SCARB1: variants seen among roughly 807,000 people sequenced by gnomAD.
SCARB1 encodes CD36 and LIMPII analogous 1.
SCARB1 carries 30 observed loss-of-function variants against 57.2 expected under a neutral mutation model. That is an observed-to-expected ratio of 0.52 (90% confidence interval 0.39 to 0.71). The LOEUF (loss-of-function observed/expected upper bound fraction) is 0.71, where lower values mean the gene tolerates loss of function less well. Among genes scored for constraint, SCARB1 ranks in the 30% least tolerant of loss-of-function variants. The pLI is 0.00. For missense variants in SCARB1, 543 were observed against 671.2 expected (o/e 0.81, Z 2.11); for synonymous variants, 249 against 268.3 (o/e 0.93, Z 0.70).
chr12:124,854,745 G>T lies in SCARB1; in HGVS notation c.126+8850C>A, dbSNP rs1952563402. ...ATGTTGGCCCGGGCAACTGGAAGAT[G>T]GGGGGGCTATGATGGAGTGGGAAGC... On this transcript the variant is annotated intron_variant, in intron 1 of 12. Coordinates refer to ENST00000261693, the MANE Select transcript of SCARB1 (RefSeq NM_005505.5). 2.0e-5 allele frequency among the ~76,000 whole-genome samples: 3 copies of T among 152,252 alleles called. No individual in the cohort carries two copies. The South Asian group carries it at 6.2e-4, about 32-fold the overall frequency.
chr12:124,815,964 A>T (rs1950698017), intron 2 of SCARB1, among the ~76,000 whole-genome samples: 1 of 152,104 alleles, frequency 6.6e-6, no homozygotes, highest in Non-Finnish European at 1.5e-5. Flanking sequence ...TGAGGCCCTC[A>T]GCAAGGCTCA....
chr12:124,843,712 A>C (rs1056717824), intron 1 of SCARB1, among the ~76,000 whole-genome samples: 4 of 152,140 alleles, frequency 2.6e-5, no homozygotes, highest in African/African-American at 4.8e-5. Flanking sequence ...AGGGCCCTAC[A>C]TCCAAGCTGG....
intron 8 of SCARB1, among the ~76,000 whole-genome samples, chr12:124,799,719 G>A (rs2135594742): frequency 6.6e-6 from 1 of 152,146 alleles, no homozygotes; most frequent in Middle Eastern, 3.4e-3. Flanking sequence ...CACATGTCCA[G>A]CTCCCTGCTT....
In SCARB1 at chr12:124,800,066, G is replaced by T. The variant is rs544618057; in HGVS notation, c.1128+58C>A. 3.2e-4 allele frequency: 409 copies of T among 1,293,428 alleles called. 2 individuals are homozygous for T. The highest frequency in any genetic ancestry group is 4.1e-4 in the Non-Finnish European group (367 of 890,008). The allele number at this position is 1,293,428 out of a possible 1,614,324, so 80.1% of individuals were successfully genotyped here. On this transcript the variant is annotated intron_variant, in intron 8 of 12. Transcript: ENST00000261693. The surrounding 1 kb of genome is among the most constrained non-coding windows in gnomAD (Gnocchi z 4.8). ...TCTCTGCCTGGGGAGAGAGGAGGCA[G>T]CCAGGTGTGCTCCAACCAGGAATCA...
chr12:124,860,271 G>A (rs551261234), intron 1 of SCARB1, among the ~76,000 whole-genome samples: 3 of 152,350 alleles, frequency 2.0e-5, no homozygotes, highest in African/African-American at 7.2e-5. Context: ...GACATGAAAT[G>A]TGGACAAGAA....
chr12:124,813,832 C>T (rs183342256), intron 4 of SCARB1, among the ~76,000 whole-genome samples: 16 of 152,186 alleles, frequency 1.1e-4, no homozygotes, highest in South Asian at 8.3e-4. Context: ...ATGTTGGCTC[C>T]GAAGCCCAGT....
At chr12:124,804,212 A>G (rs1950246217) in intron 7 of SCARB1, among the ~76,000 whole-genome samples, 1 of 152,196 alleles carries the variant, frequency 6.6e-6, no homozygotes. Flanking sequence ...CAGGCAGACC[A>G]ATTAGAGCAA....
chr12:124,780,233 T>C (rs1482277208), intron 12 of SCARB1, among the ~76,000 whole-genome samples: 2 of 152,124 alleles, frequency 1.3e-5, no homozygotes, highest in East Asian at 1.9e-4. Context: ...ACCTGGACAG[T>C]TGTCCAGGCT....
intron 8 of SCARB1, among the ~76,000 whole-genome samples, chr12:124,798,619 G>A (rs1190776057): frequency 1.3e-5 from 2 of 152,040 alleles, no homozygotes; most frequent in Non-Finnish European, 2.9e-5. Flanking sequence ...GAGGCGGGTG[G>A]ATCACCTGAG....
rs1950644850 is a variant in SCARB1, at chr12:124,814,878, CCT to C, written c.426+93_426+94del. The C allele has an allele frequency of 6.5e-7, 1 of 1,536,456 alleles. No homozygotes were observed. Among genetic ancestry groups the C allele is most frequent in the East Asian group, 2.3e-5 (1 of 44,132 alleles). On this transcript the variant is annotated intron_variant, in intron 3 of 12. Coordinates refer to ENST00000261693, the MANE Select transcript of SCARB1 (RefSeq NM_005505.5). The surrounding 1 kb of genome is among the most constrained non-coding windows in gnomAD (Gnocchi z 4.7). ...GGCGTGAGTCCCCACGCTCCGACCACCTCAGGGACTGCTCTCTGCACAAGGGG... is the reference window on the plus strand; with the variant it reads ...GGCGTGAGTCCCCACGCTCCGACCACCAGGGACTGCTCTCTGCACAAGGGG...
intron 1 of SCARB1, among the ~76,000 whole-genome samples, chr12:124,837,883 C>T (rs1220729801): frequency 6.6e-6 from 1 of 152,196 alleles, no homozygotes; most frequent in African/African-American, 2.4e-5. Flanking sequence ...GCCTGGGTGA[C>T]ACAGTGAGAC....
chr12:124,788,439 C>T (rs1050759045), intron 9 of SCARB1, among the ~76,000 whole-genome samples: 1 of 152,154 alleles, frequency 6.6e-6, no homozygotes, highest in African/African-American at 2.4e-5. Flanking sequence ...GTGGGATGGC[C>T]GGGAGGGCTG....
chr12:124,793,111 T>C lies in SCARB1; in HGVS notation c.1202+2084A>G, dbSNP rs561489680. Among the ~76,000 whole-genome samples, 247 of 152,224 alleles carry C rather than the reference T, an allele frequency of 1.6e-3. 3 individuals are homozygous for C. The highest frequency in any genetic ancestry group is 5.8e-3 in the African/African-American group (240 of 41,498). On this transcript the variant is annotated intron_variant, in intron 9 of 12. Coordinates refer to ENST00000261693, the MANE Select transcript of SCARB1 (RefSeq NM_005505.5). ...ATAAAAATAAAATGCAAGGGCGGGA[T>C]GAAGGAAGAGAGCTCACAGTTATTA...
chr12:124,829,666 T>C (rs1264265752), intron 1 of SCARB1, among the ~76,000 whole-genome samples: 1 of 152,222 alleles, frequency 6.6e-6, no homozygotes, highest in Admixed American at 6.5e-5. Flanking sequence ...TTTCCCCTGA[T>C]GCCCACAAAA....
intron 1 of SCARB1, among the ~76,000 whole-genome samples, chr12:124,851,108 A>C (rs185689743): frequency 6.6e-6 from 1 of 152,328 alleles, no homozygotes; most frequent in East Asian, 1.9e-4. Context: ...CATTGACTCC[A>C]TAAGTTGTGC....
At chr12:124,834,771 G>T (rs1038189958) in intron 1 of SCARB1, among the ~76,000 whole-genome samples, 1 of 152,168 alleles carries the variant, frequency 6.6e-6, no homozygotes, top group Non-Finnish European at 1.5e-5. Context: ...AGCCAGGCAT[G>T]GTGGCATGTA....
rs531548297 is a variant in SCARB1 at position 124,791,108 on chromosome 12, T to C, written c.1203-3651A>G. Among the ~76,000 whole-genome samples, 8 of 152,226 alleles carry C rather than the reference T, an allele frequency of 5.3e-5. No homozygotes were observed. In the South Asian group the frequency reaches 1.0e-3, roughly 20 times the overall value. The stretch of plus-strand genomic sequence containing the variant: ...CTCTCTAGCGGGCTTCCCTGCCAGA[T>C]GACATGTCACGTGGGTTGTCACAAC... On this transcript the variant is annotated intron_variant, in intron 9 of 12. Coordinates refer to ENST00000261693, the MANE Select transcript of SCARB1 (RefSeq NM_005505.5).
chr12:124,827,572 G>C (rs1951212185), intron 1 of SCARB1, among the ~76,000 whole-genome samples: 1 of 152,146 alleles, frequency 6.6e-6, no homozygotes, highest in Non-Finnish European at 1.5e-5. Context: ...GAGAAGCTGG[G>C]AAGGACAACA....
rs1456162138 is a variant in SCARB1 at position 124,777,952 on chromosome 12, G to C, written c.*635C>G. The C allele has an allele frequency of 2.6e-5, 4 of 153,150 alleles. No homozygotes were observed. In the East Asian group the frequency reaches 7.7e-4, roughly 29 times the overall value. The allele number at this position is 153,150 out of a possible 1,614,324, so 9.5% of individuals were successfully genotyped here. On this transcript the variant is annotated 3_prime_UTR_variant, in exon 13 of 13. Coordinates refer to ENST00000261693, the MANE Select transcript of SCARB1 (RefSeq NM_005505.5). ...GCAGTGCCTGTGAAGACTTCGGGGGGATCAAAGTCCGGCCGGGGTGGGCGG... is the reference window on the plus strand; with the variant it reads ...GCAGTGCCTGTGAAGACTTCGGGGGCATCAAAGTCCGGCCGGGGTGGGCGG...
Sources: allele counts gnomAD v4.1 joint callset (sites outside exome capture counted in the v4.1 genomes callset), GRCh38; gene constraint gnomAD v4.1.1; non-coding constraint Gnocchi (gnomAD v3.1); transcripts MANE v1.5; gene names NCBI Gene and HGNC (gene_info 2026-07-23, HGNC 2026-07-21).